Variants in L3MBTL4 observed in about 807,000 individuals in gnomAD.
The protein encoded by L3MBTL4 is L3MBTL histone methyl-lysine binding protein 4.
L3MBTL4 carries 70 observed loss-of-function variants against 84.5 expected under a neutral mutation model. The ratio of observed to expected loss-of-function variants is 0.83; its 90% CI spans 0.68 to 1.01. The LOEUF (loss-of-function observed/expected upper bound fraction) is 1.01, where lower values mean the gene tolerates loss of function less well. L3MBTL4 is among the 50% of genes least tolerant of loss of function. L3MBTL4 has a pLI of 0.00. For missense variants in L3MBTL4, 715 were observed against 754.8 expected (o/e 0.95, Z 0.62); for synonymous variants, 274 against 259.8 (o/e 1.05, Z -0.52).
intron 3 of L3MBTL4, among the ~76,000 whole-genome samples, chr18:6,307,601 A>C (rs1457898622): frequency 4.6e-5 from 7 of 152,162 alleles, no homozygotes; most frequent in African/African-American, 1.7e-4. Flanking sequence ...CTTTCTCTGA[A>C]GGGTGACCAT....
intron 13 of L3MBTL4, among the ~76,000 whole-genome samples, chr18:6,163,649 T>A (rs983562266): frequency 6.6e-6 from 1 of 152,160 alleles, no homozygotes; most frequent in African/African-American, 2.4e-5. Context: ...CTTGTAATAC[T>A]GCCAACAACA....
intron 4 of L3MBTL4, among the ~76,000 whole-genome samples, chr18:6,293,044 C>A (rs2049937016): frequency 6.6e-6 from 1 of 152,214 alleles, no homozygotes; most frequent in African/African-American, 2.4e-5. Flanking sequence ...AAAGACCACC[C>A]AGTCTGTGTG....
At chr18:6,253,164 T>C (rs1370062174) in intron 5 of L3MBTL4, among the ~76,000 whole-genome samples, 1 of 152,176 alleles carries the variant, frequency 6.6e-6, no homozygotes, top group Admixed American at 6.5e-5. Flanking sequence ...ATCACACCAC[T>C]GCACTCCAGC....
chr18:6,126,614 C>T (rs1186150498), intron 14 of L3MBTL4, among the ~76,000 whole-genome samples: 1 of 147,044 alleles, frequency 6.8e-6, no homozygotes, highest in African/African-American at 2.6e-5. Flanking sequence ...ATTTCATGTG[C>T]AATTTTTTCT....
chr18:6,269,409 A>T (rs168227), intron 4 of L3MBTL4, among the ~76,000 whole-genome samples: 4,815 of 152,250 alleles, frequency 0.032, 237 homozygotes, highest in African/African-American at 0.11. Flanking sequence ...GTGAGCCAAG[A>T]TCGCACCACT....
chr18:5,962,104 G>T (rs2095266472), intron 17 of L3MBTL4, among the ~76,000 whole-genome samples: 1 of 152,176 alleles, frequency 6.6e-6, no homozygotes, highest in Admixed American at 6.5e-5. Flanking sequence ...TAGCGGTGGA[G>T]GATTGAGGGG....
chr18:6,290,554 G>C (rs1034966424), intron 4 of L3MBTL4, among the ~76,000 whole-genome samples: 2 of 151,142 alleles, frequency 1.3e-5, no homozygotes, highest in Non-Finnish European at 2.9e-5. Flanking sequence ...TTGAGACAGA[G>C]TCTCGCTCTA....
intron 6 of L3MBTL4, 151 bp from the exon 7 acceptor site, chr18:6,243,580 T>C: frequency 3.6e-6 from 2 of 558,372 alleles, no homozygotes; most frequent in Non-Finnish European, 5.8e-6. Context: ...AAGAAATTTA[T>C]GGATGACCTC....
chr18:6,124,055 G>A (rs565338559), intron 14 of L3MBTL4, among the ~76,000 whole-genome samples: 1 of 152,290 alleles, frequency 6.6e-6, no homozygotes, highest in South Asian at 2.1e-4. Context: ...CAGAAAAGCT[G>A]CCCAGGAGGC....
chr18:6,290,920 C>T (rs775868188), intron 4 of L3MBTL4, among the ~76,000 whole-genome samples: 2 of 152,142 alleles, frequency 1.3e-5, no homozygotes, highest in African/African-American at 4.8e-5. Context: ...ATTACTAAAA[C>T]AGGTACTGCT....
At chr18:6,373,964 G>A (rs1245371943) in intron 1 of L3MBTL4, among the ~76,000 whole-genome samples, 3 of 152,062 alleles carry the variant, frequency 2.0e-5, no homozygotes, top group Non-Finnish European at 4.4e-5. Context: ...ATTCATAGCA[G>A]AAACAAAATT....
intron 16 of L3MBTL4, among the ~76,000 whole-genome samples, chr18:6,035,502 A>G (rs1213805504): frequency 6.6e-6 from 1 of 151,642 alleles, no homozygotes; most frequent in Non-Finnish European, 1.5e-5. Context: ...TGTTCCATTG[A>G]TCTATATCTC....
At position 6,247,466 on chromosome 18, in the gene L3MBTL4, ATTT is replaced by A. The variant is rs71163266; in HGVS notation, c.220-2881_220-2879del. Among the ~76,000 whole-genome samples the A allele has an allele frequency of 5.9e-3, 290 of 49,572 alleles. 1 individual carries two copies. The highest frequency in any genetic ancestry group is 0.028 in the African/African-American group (273 of 9,612). The allele number at this position is 49,572 out of a possible 152,430, so 32.5% of individuals were successfully genotyped here. ...AGAATGCAGACTTCCCCCTCCTCTG[ATTT>A]TTTTTTTTTTTTTTTTTTTTTTTTT... On this transcript the variant is annotated intron_variant, in intron 5 of 18. Coordinates refer to ENST00000317931, the MANE Select transcript of L3MBTL4 (RefSeq NM_001330559.2).
chr18:6,090,652 G>A (rs2058421403), intron 15 of L3MBTL4, among the ~76,000 whole-genome samples: 2 of 147,878 alleles, frequency 1.4e-5, no homozygotes, highest in African/African-American at 5.0e-5. Context: ...TTTTGAGACA[G>A]GGTCTCACTC....
intron 13 of L3MBTL4, among the ~76,000 whole-genome samples, chr18:6,145,541 C>T (rs1200734947): frequency 6.6e-6 from 1 of 150,492 alleles, no homozygotes; most frequent in African/African-American, 2.4e-5. Flanking sequence ...ATACTAATTA[C>T]TCACTGCTGA....
At chr18:6,311,916 G>A in intron 2 of L3MBTL4, 82 bp downstream of exon 2, 1 of 294,016 alleles carries the variant, frequency 3.4e-6, no homozygotes, top group Non-Finnish European at 6.5e-6. Flanking sequence ...GTCTTATCTG[G>A]GATAAAATGT....
intron 14 of L3MBTL4, among the ~76,000 whole-genome samples, 163 bp from the exon 15 acceptor site, chr18:6,093,691 G>A (rs2058535780): frequency 6.6e-6 from 1 of 152,116 alleles, no homozygotes; most frequent in Non-Finnish European, 1.5e-5. Context: ...ATTGCCTTTT[G>A]AGAAAATCTC....
intron 1 of L3MBTL4, among the ~76,000 whole-genome samples, chr18:6,335,791 G>C (rs576230194): frequency 1.3e-5 from 2 of 152,268 alleles, no homozygotes; most frequent in African/African-American, 4.8e-5. Flanking sequence ...CTGCCATCTT[G>C]TGAAGAAGGT....
intron 17 of L3MBTL4, among the ~76,000 whole-genome samples, chr18:5,968,774 T>A (rs927929128): frequency 1.3e-5 from 2 of 151,812 alleles, no homozygotes; most frequent in Admixed American, 1.3e-4. Context: ...GTAAGGCATG[T>A]TTATAATGAA....
Sources: allele counts gnomAD v4.1 joint callset (sites outside exome capture counted in the v4.1 genomes callset), GRCh38; gene constraint gnomAD v4.1.1; transcripts MANE v1.5; gene names NCBI Gene and HGNC (gene_info 2026-07-23, HGNC 2026-07-21).